The following HDAC4 variants were observed in gnomAD, a reference collection of about 807,000 sequenced individuals.
HDAC4 encodes the protein histone deacetylase 4.
HDAC4 carries 16 observed loss-of-function variants against 135.1 expected under a neutral mutation model. The ratio of observed to expected loss-of-function variants is 0.12; its 90% CI spans 0.08 to 0.18. The LOEUF (loss-of-function observed/expected upper bound fraction) is 0.18, where lower values mean the gene tolerates loss of function less well. Among genes scored for constraint, HDAC4 ranks in the 10% least tolerant of loss-of-function variants. HDAC4 has a pLI of 1.00. For synonymous variants in HDAC4, 685 were observed against 653.4 expected, an observed-to-expected ratio of 1.05 and a Z score of -0.74; for missense variants, 1,143 against 1,511.8, an observed-to-expected ratio of 0.76 and a Z score of 4.05.
chr2:239,208,326 CAAAAAAAAA>C (rs759398313), intron 3 of HDAC4, among the ~76,000 whole-genome samples: 8 of 68,218 alleles, frequency 1.2e-4, no homozygotes, highest in Admixed American at 7.9e-4. Flanking sequence ...GACTCCGTCC[CAAAAAAAAA>C]AAAAAAAAAA....
intron 18 of HDAC4, among the ~76,000 whole-genome samples, chr2:239,088,357 G>C (rs901041874): frequency 2.0e-5 from 3 of 152,210 alleles, no homozygotes; most frequent in African/African-American, 7.2e-5. Flanking sequence ...GACGGGGTGA[G>C]CCGGACGCCG....
At chr2:239,101,457 G>A (rs2037625241) in intron 16 of HDAC4, among the ~76,000 whole-genome samples, 1 of 152,194 alleles carries the variant, frequency 6.6e-6, no homozygotes, top group Non-Finnish European at 1.5e-5. Flanking sequence ...CTGGCACGGA[G>A]GACACCTCCT....
intron 4 of HDAC4, among the ~76,000 whole-genome samples, chr2:239,178,873 G>C (rs1027915850): frequency 1.3e-5 from 2 of 152,222 alleles, no homozygotes; most frequent in Admixed American, 6.5e-5. Context: ...ATTCTTCCTG[G>C]AGGATGAGGC....
At chr2:239,165,680 C>G (rs1009970519) in intron 5 of HDAC4, among the ~76,000 whole-genome samples, 3 of 152,222 alleles carry the variant, frequency 2.0e-5, no homozygotes, top group African/African-American at 4.8e-5. Context: ...GTGAGGTTGG[C>G]TCAGTTACCA....
At chr2:239,096,546 C>A (rs1260414468) in intron 16 of HDAC4, among the ~76,000 whole-genome samples, 3 of 96,140 alleles carry the variant, frequency 3.1e-5, no homozygotes, top group South Asian at 1.1e-3. Flanking sequence ...CCCACGGATG[C>A]CCACGCCCCC....
chr2:239,253,560 C>G (rs776683574), intron 2 of HDAC4, among the ~76,000 whole-genome samples: 12 of 152,232 alleles, frequency 7.9e-5, no homozygotes, highest in Non-Finnish European at 1.0e-4. Flanking sequence ...ATGTCCACAA[C>G]ACAGAGCTAC....
At chr2:239,130,632 C>T (rs3791463) in intron 11 of HDAC4, among the ~76,000 whole-genome samples, 74,028 of 119,526 alleles carry the variant, frequency 0.62, 23,342 homozygotes, top group East Asian at 0.78. Context: ...ATACACATCT[C>T]CCTCCACCTG....
At chr2:239,214,457 C>G (rs1028030172) in intron 3 of HDAC4, among the ~76,000 whole-genome samples, 1 of 152,236 alleles carries the variant, frequency 6.6e-6, no homozygotes, top group Admixed American at 6.5e-5. Context: ...TAAGGTTACA[C>G]AGTCACAGGG....
intron 22 of HDAC4, among the ~76,000 whole-genome samples, chr2:239,070,863 AT>A (rs1441751510): frequency 6.6e-6 from 1 of 151,896 alleles, no homozygotes; most frequent in Non-Finnish European, 1.5e-5. Context: ...GACCGCAGCC[AT>A]TTAGTCCCTC....
In HDAC4 at chr2:239,201,489, G is replaced by T. The variant is rs1037823876; in HGVS notation, c.95-11412C>A. ...GCTTTGGTTTCATTCCTGACCAAAG[G>T]CCAGGCCCCCCTGTAATTACTATTT... On this transcript the variant is annotated intron_variant, in intron 3 of 26. Transcript: ENST00000543185. 5.9e-5 allele frequency among the ~76,000 whole-genome samples: 9 copies of T among 152,312 alleles called. No homozygotes were observed. The East Asian group carries it at 1.5e-3, about 26-fold the overall frequency.
intron 12 of HDAC4, among the ~76,000 whole-genome samples, chr2:239,117,415 T>C (rs559758239): frequency 1.3e-5 from 2 of 151,838 alleles, no homozygotes; most frequent in African/African-American, 2.4e-5. Context: ...AGACTGCATA[T>C]GGAGAGGCAA....
At chr2:239,082,071 C>G in intron 21 of HDAC4, 31 bp downstream of exon 21, 1 of 1,538,272 alleles carries the variant, frequency 6.5e-7, no homozygotes, top group East Asian at 2.3e-5. Flanking sequence ...GTCCCCCTTT[C>G]CCCCCAGAGG....
chr2:239,291,330 A>G (rs2051482859), intron 2 of HDAC4, among the ~76,000 whole-genome samples: 1 of 152,336 alleles, frequency 6.6e-6, no homozygotes, highest in South Asian at 2.1e-4. Flanking sequence ...TTGCCAGGCC[A>G]GCTGCGACAC....
At chr2:239,192,667 G>C (rs1427261982) in intron 3 of HDAC4, among the ~76,000 whole-genome samples, 1 of 152,174 alleles carries the variant, frequency 6.6e-6, no homozygotes, top group Non-Finnish European at 1.5e-5. Flanking sequence ...ATGACTGTCA[G>C]GTTGCGGTTC....
intron 2 of HDAC4, among the ~76,000 whole-genome samples, chr2:239,243,432 G>GT (rs1450339850): frequency 6.6e-6 from 1 of 152,156 alleles, no homozygotes; most frequent in African/African-American, 2.4e-5. Flanking sequence ...GATTACAGGC[G>GT]TGAGCCACCG....
chr2:239,080,989 C>T, intron 22 of HDAC4, 106 bp downstream of exon 22: 1 of 851,574 alleles, frequency 1.2e-6, no homozygotes, highest in South Asian at 1.5e-5. Context: ...CCCCGTTCAG[C>T]CACAGACCAG....
chr2:239,071,497 C>A (rs1171762429), intron 22 of HDAC4, among the ~76,000 whole-genome samples: 1 of 152,202 alleles, frequency 6.6e-6, no homozygotes, highest in Non-Finnish European at 1.5e-5. Flanking sequence ...AAAACACTCT[C>A]ACAATAAGCA....
intron 2 of HDAC4, among the ~76,000 whole-genome samples, chr2:239,248,922 AC>A (rs1381517653): frequency 1.3e-5 from 2 of 152,236 alleles, no homozygotes; most frequent in Admixed American, 1.3e-4. Flanking sequence ...AGTGATGGCC[AC>A]AATTTTGGGG....
In HDAC4 at chr2:239,081,315, G is replaced by C. The variant is rs192997386; in HGVS notation, c.2653-123C>G. 46 of 784,016 alleles carry C rather than the reference G, an allele frequency of 5.9e-5. No homozygotes were observed. The East Asian group carries it at 1.1e-3, about 19-fold the overall frequency. 48.6% of individuals were successfully genotyped at this position (784,016 alleles called of 1,614,324 possible). A position where few individuals can be genotyped will look rare whatever the true frequency, so the allele number is the denominator to read the frequency against. ...TGGTGGGCCCCTGGGGAGAGCCCAC[G>C]TGTCCTGATCTCCTGGTGCATATTC... On this transcript the variant is annotated intron_variant, in intron 21 of 26. Transcript: ENST00000543185.
Sources: allele counts gnomAD v4.1 joint callset (sites outside exome capture counted in the v4.1 genomes callset), GRCh38; gene constraint gnomAD v4.1.1; transcripts MANE v1.5; gene names NCBI Gene and HGNC (gene_info 2026-07-23, HGNC 2026-07-21).